The following SETD7 variants were observed in gnomAD, a reference collection of about 807,000 sequenced individuals.
SETD7 encodes histone-lysine N-methyltransferase SETD7.
SETD7 carries 16 observed loss-of-function variants against 41.8 expected under a neutral mutation model. That is an observed-to-expected ratio of 0.38 (90% CI 0.26 to 0.58). The LOEUF (loss-of-function observed/expected upper bound fraction) is 0.58. Ranked by LOEUF, SETD7 falls within the 20% of genes least tolerant of loss-of-function variation. The pLI is 0.64. For missense variants in SETD7, 346 were observed against 459.7 expected, an observed-to-expected ratio of 0.75 and a Z score of 2.26; for synonymous variants, 163 against 169.7, an observed-to-expected ratio of 0.96 and a Z score of 0.31.
chr4:139,543,360 A>G (rs764304099), intron 2 of SETD7, among the ~76,000 whole-genome samples: 11 of 152,300 alleles, frequency 7.2e-5, no homozygotes, highest in South Asian at 2.1e-4. Context: ...TAGATTCTCG[A>G]CCTTTTATTC....
downstream of SETD7, among the ~76,000 whole-genome samples, chr4:139,494,221 C>CAAAGATCATAGGTAATAG (rs904263563): frequency 1.3e-5 from 2 of 152,122 alleles, no homozygotes; most frequent in Non-Finnish European, 2.9e-5. Context: ...TTAAAGAGCA[C>CAAAGATCATAGGTAATAG]AAAGATCATA....
intron 4 of SETD7, among the ~76,000 whole-genome samples, chr4:139,524,702 G>A (rs1727274196): frequency 6.6e-6 from 1 of 152,184 alleles, no homozygotes; most frequent in East Asian, 1.9e-4. Flanking sequence ...GCTGCAAGGG[G>A]CAGCAGCCTC....
chr4:139,541,453 C>T (rs1411164429), intron 2 of SETD7, among the ~76,000 whole-genome samples: 1 of 151,680 alleles, frequency 6.6e-6, no homozygotes, highest in Non-Finnish European at 1.5e-5. Flanking sequence ...AGCAAATCCA[C>T]GGGTACCAGA....
chr4:139,551,546 A>G (rs1728111034), intron 1 of SETD7, among the ~76,000 whole-genome samples: 1 of 152,200 alleles, frequency 6.6e-6, no homozygotes, highest in South Asian at 2.1e-4. Context: ...CCTATATTCT[A>G]AGCAGCAATG....
At chr4:139,543,663 A>T (rs1437173897) in intron 2 of SETD7, among the ~76,000 whole-genome samples, 1 of 152,110 alleles carries the variant, frequency 6.6e-6, no homozygotes, top group Non-Finnish European at 1.5e-5. Context: ...TATAAAAATT[A>T]GTGAATTGGG....
In SETD7 at chr4:139,508,300, A is replaced by G. The variant is rs1351352604; in HGVS notation, c.*3363T>C. 1 of 152,234 alleles carries G rather than the reference A, an allele frequency of 6.6e-6. No individual in the cohort carries two copies. The highest frequency in any genetic ancestry group is 1.9e-4 in the East Asian group (1 of 5,200). 9.4% of individuals were successfully genotyped at this position (152,234 alleles called of 1,614,324 possible). On this transcript the variant is annotated 3_prime_UTR_variant, in exon 8 of 8. Coordinates refer to ENST00000274031, the MANE Select transcript of SETD7 (RefSeq NM_030648.4). Reference sequence around the variant, plus strand: ...AGGTTCAAAGAGCTCTTGGAAAACTAATTTCCTTCTTAGTGTCTCAGGTAG... The same window carrying G: ...AGGTTCAAAGAGCTCTTGGAAAACTGATTTCCTTCTTAGTGTCTCAGGTAG...
At chr4:139,545,375 C>G (rs1727909598) in intron 2 of SETD7, among the ~76,000 whole-genome samples, 1 of 152,232 alleles carries the variant, frequency 6.6e-6, no homozygotes, top group Admixed American at 6.5e-5. Flanking sequence ...AATCCTCCTG[C>G]CTCAGCCTCC....
intron 2 of SETD7, among the ~76,000 whole-genome samples, chr4:139,540,129 TC>T (rs748383841): frequency 1.2e-4 from 18 of 152,206 alleles, no homozygotes; most frequent in Non-Finnish European, 2.6e-4. Flanking sequence ...ACTTTAAGGG[TC>T]TTTACAGGTT....
chr4:139,530,235 A>G (rs17050801), intron 3 of SETD7, among the ~76,000 whole-genome samples: 5,069 of 152,264 alleles, frequency 0.033, 277 homozygotes, highest in African/African-American at 0.11. Context: ...TTGATTTAAC[A>G]ATAGTAATGC....
intron 2 of SETD7, among the ~76,000 whole-genome samples, chr4:139,533,862 T>C (rs1253596530): frequency 6.6e-6 from 1 of 152,244 alleles, no homozygotes. Context: ...AAGTCACTAA[T>C]GTATTATTTA....
chr4:139,540,613 T>C (rs562827613), intron 2 of SETD7, among the ~76,000 whole-genome samples: 1 of 152,324 alleles, frequency 6.6e-6, no homozygotes, highest in Admixed American at 6.5e-5. Context: ...AAAACCCACC[T>C]CCCAGATTGT....
At chr4:139,494,564 G>C (rs1186082305), downstream of SETD7, among the ~76,000 whole-genome samples, 1 of 152,224 alleles carries the variant, frequency 6.6e-6, no homozygotes, top group Non-Finnish European at 1.5e-5. Context: ...GAATGATAAA[G>C]TGTAGAGCAT....
intron 7 of SETD7, among the ~76,000 whole-genome samples, chr4:139,514,364 G>GA (rs575169804): frequency 1.5e-3 from 233 of 151,776 alleles, no homozygotes; most frequent in African/African-American, 4.7e-3. Flanking sequence ...CTGGTACACT[G>GA]AAAAAAAACC....
chr4:139,496,165 G>T, exon 8 of SETD7: 2 of 469,452 alleles, frequency 4.3e-6, no homozygotes, highest in South Asian at 4.0e-5. Context: ...AGTCCTGCTG[G>T]TTTGAGGGTC....
At chr4:139,499,558 C>G (rs1176033364) in intron 7 of SETD7, among the ~76,000 whole-genome samples, 1 of 152,190 alleles carries the variant, frequency 6.6e-6, no homozygotes, top group African/African-American at 2.4e-5. Flanking sequence ...CCAAGACCCC[C>G]CCTCCCAGGA....
At chr4:139,523,317 A>G in intron 5 of SETD7, 37 bp downstream of exon 5, 1 of 1,485,266 alleles carries the variant, frequency 6.7e-7, no homozygotes. Flanking sequence ...TTAACCTCAC[A>G]TAAACAGTGC....
chr4:139,555,724 G>C lies in SETD7; in HGVS notation c.40+374C>G, dbSNP rs1161431272. 2.0e-5 allele frequency among the ~76,000 whole-genome samples: 3 copies of C among 152,208 alleles called. No homozygotes were observed. Among genetic ancestry groups the C allele is most frequent in the African/African-American group, 7.2e-5 (3 of 41,560 alleles). On this transcript the variant is annotated intron_variant, in intron 1 of 7. Transcript: ENST00000274031. This position sits in a 1 kb window ranked among gnomAD's most constrained non-coding sequence, Gnocchi z 4.0. ...GCTAGGGGATTGCTCCGCGGAGTCCGCCGGCCTCAAGGGGCTGCCCTGCGG... is the reference window on the plus strand; with the variant it reads ...GCTAGGGGATTGCTCCGCGGAGTCCCCCGGCCTCAAGGGGCTGCCCTGCGG...
At chr4:139,523,328 A>G (rs1475620014) in intron 5 of SETD7, 26 bp downstream of exon 5, 2 of 1,536,830 alleles carry the variant, frequency 1.3e-6, no homozygotes, top group East Asian at 4.5e-5. Context: ...TAAACAGTGC[A>G]ATTAAAACCC....
At chr4:139,548,547 G>A (rs1478398231) in intron 1 of SETD7, among the ~76,000 whole-genome samples, 5 of 152,266 alleles carry the variant, frequency 3.3e-5, no homozygotes, top group Admixed American at 2.0e-4. Context: ...CAGGAGAATC[G>A]CTTGAACCCA....
Sources: gnomAD v4.1 joint callset for allele counts (sites outside exome capture counted in the v4.1 genomes callset) on GRCh38, gnomAD v4.1.1 for gene constraint, Gnocchi (gnomAD v3.1) non-coding constraint, MANE v1.5 for transcripts, NCBI Gene and HGNC (gene_info 2026-07-23, HGNC 2026-07-21) for gene names.